The following ZZZ3 variants were observed in gnomAD, a reference collection of about 807,000 sequenced individuals.
The protein encoded by ZZZ3 is zinc finger ZZ-type containing 3.
Under a neutral mutation model 95.2 loss-of-function variants are expected in ZZZ3, and 22 were observed. That is an observed-to-expected ratio of 0.23 (90% confidence interval 0.17 to 0.33). The LOEUF is 0.33. ZZZ3 is among the 10% of genes least tolerant of loss of function. The pLI is 1.00. For synonymous variants in ZZZ3, 335 were observed against 358.9 expected (o/e 0.93, Z 0.75); for missense variants, 885 against 1,066.5 (o/e 0.83, Z 2.37).
At chr1:77,661,348 G>C (rs1462900551) in intron 1 of ZZZ3, among the ~76,000 whole-genome samples, 1 of 152,160 alleles carries the variant, frequency 6.6e-6, no homozygotes, top group Non-Finnish European at 1.5e-5. Flanking sequence ...AGGAGTCCGA[G>C]GCTGCAGTGA....
chr1:77,683,362 C>G (rs576296188), upstream of ZZZ3: 1 of 152,314 alleles, frequency 6.6e-6, no homozygotes, highest in African/African-American at 2.4e-5. Flanking sequence ...GCCACCGCTG[C>G]AGGAAGCTCG....
intron 5 of ZZZ3, among the ~76,000 whole-genome samples, chr1:77,604,742 C>T (rs916745240): frequency 2.0e-5 from 3 of 152,090 alleles, no homozygotes; most frequent in Admixed American, 1.3e-4. Flanking sequence ...ATTCTTTTTC[C>T]TTTTTTTCTC....
intron 1 of ZZZ3, among the ~76,000 whole-genome samples, chr1:77,681,995 TA>T (rs1672810115): frequency 6.6e-6 from 1 of 151,718 alleles, no homozygotes; most frequent in African/African-American, 2.4e-5. Flanking sequence ...GCAACCTCAG[TA>T]ACACAGTAGT....
chr1:77,679,594 C>T (rs555199713), intron 1 of ZZZ3, among the ~76,000 whole-genome samples: 1 of 152,248 alleles, frequency 6.6e-6, no homozygotes, highest in African/African-American at 2.4e-5. Context: ...CTTAAGGTAA[C>T]TTAAAGTTAC....
chr1:77,642,148 G>T (rs1668835129), intron 1 of ZZZ3, among the ~76,000 whole-genome samples: 2 of 151,994 alleles, frequency 1.3e-5, no homozygotes, highest in Admixed American at 1.3e-4. Context: ...GAAAATAAAT[G>T]TTATTTAAAA....
chr1:77,639,831 A>T (rs539232631), intron 3 of ZZZ3, among the ~76,000 whole-genome samples: 1 of 152,278 alleles, frequency 6.6e-6, no homozygotes, highest in African/African-American at 2.4e-5. Flanking sequence ...CCAAATCCTT[A>T]CAACTCAATA....
chr1:77,592,060 C>A (rs960065915), intron 5 of ZZZ3, among the ~76,000 whole-genome samples: 4 of 152,026 alleles, frequency 2.6e-5, no homozygotes, highest in Non-Finnish European at 5.9e-5. Flanking sequence ...CTCCAGCCCC[C>A]AAGGAGAGTT....
chr1:77,679,558 T>C (rs750355914), intron 1 of ZZZ3, among the ~76,000 whole-genome samples: 1 of 152,168 alleles, frequency 6.6e-6, no homozygotes, highest in Non-Finnish European at 1.5e-5. Flanking sequence ...AGTGCTTGTA[T>C]TACAGGCGTG....
In ZZZ3 at chr1:77,676,933, T is replaced by TA. The variant is rs553790496; in HGVS notation, c.-403+5651dup. ...ACCAATGCCAGATGAGGTAAAAACTTAAATTTATTTAAATCTAACTTAGAA... is the reference window on the plus strand; with the variant it reads ...ACCAATGCCAGATGAGGTAAAAACTTAAAATTTATTTAAATCTAACTTAGAA... On this transcript the variant is annotated intron_variant, in intron 1 of 14. Transcript: ENST00000370801. 110 of 152,336 alleles carry TA rather than the reference T, an allele frequency of 7.2e-4. 1 individual carries two copies. The highest frequency in any genetic ancestry group is 2.5e-3 in the African/African-American group (102 of 41,578). The allele number at this position is 152,336 out of a possible 1,614,324, so 9.4% of individuals were successfully genotyped here. A position where few individuals can be genotyped will look rare whatever the true frequency, so the allele number is the denominator to read the frequency against.
intron 5 of ZZZ3, among the ~76,000 whole-genome samples, chr1:77,610,021 G>A (rs1665631528): frequency 6.6e-6 from 1 of 150,786 alleles, no homozygotes; most frequent in African/African-American, 2.4e-5. Flanking sequence ...TAGATCAGAA[G>A]TAAATGAAAT....
chr1:77,667,763 CTTTTTTT>C (rs34939314), intron 1 of ZZZ3, among the ~76,000 whole-genome samples: 1 of 115,110 alleles, frequency 8.7e-6, no homozygotes, highest in African/African-American at 3.5e-5. Flanking sequence ...AATGGGTATT[CTTTTTTT>C]TTTTTTTTTT....
chr1:77,623,935 A>G (rs946095479), intron 5 of ZZZ3, among the ~76,000 whole-genome samples: 2 of 152,220 alleles, frequency 1.3e-5, no homozygotes, highest in African/African-American at 4.8e-5. Context: ...ACCAAAAAAA[A>G]AGAGAGAAGT....
intron 1 of ZZZ3, among the ~76,000 whole-genome samples, chr1:77,670,009 TA>T (rs1557780685): frequency 4.6e-5 from 7 of 151,212 alleles, no homozygotes; most frequent in Admixed American, 1.3e-4. Flanking sequence ...ATTGTGCACT[TA>T]AAAAGAATTA....
rs963333001 is a variant in ZZZ3 at position 77,565,494 on chromosome 1, G to T, written c.*146C>A. 29 of 778,716 alleles carry T rather than the reference G, an allele frequency of 3.7e-5. No homozygotes were observed. The highest frequency in any genetic ancestry group is 5.7e-5 in the Non-Finnish European group (28 of 489,632). The allele number at this position is 778,716 out of a possible 1,614,324, so 48.2% of individuals were successfully genotyped here. A position where few individuals can be genotyped will look rare whatever the true frequency, so the allele number is the denominator to read the frequency against. ...TCTAGAGCCACAACGGTGCAGAGCTGTACTTGACGAGAACACTCAGGAAGC... is the reference window on the plus strand; with the variant it reads ...TCTAGAGCCACAACGGTGCAGAGCTTTACTTGACGAGAACACTCAGGAAGC... On this transcript the variant is annotated 3_prime_UTR_variant, in exon 15 of 15. Transcript: ENST00000370801.
intron 5 of ZZZ3, among the ~76,000 whole-genome samples, chr1:77,605,485 G>A (rs982222193): frequency 6.6e-6 from 1 of 152,116 alleles, no homozygotes; most frequent in Non-Finnish European, 1.5e-5. Flanking sequence ...GGAGACATGG[G>A]GGGCATGTGA....
intron 5 of ZZZ3, among the ~76,000 whole-genome samples, chr1:77,618,956 T>C (rs575748342): frequency 6.6e-6 from 1 of 152,290 alleles, no homozygotes; most frequent in Non-Finnish European, 1.5e-5. Flanking sequence ...CTTTTCTAAA[T>C]ATATGCCACA....
chr1:77,568,350 C>A lies in ZZZ3; in HGVS notation c.2448G>T (p.Val816=). 6.3e-7 allele frequency: 1 copy of A among 1,590,014 alleles called. No homozygotes were observed. The highest frequency in any genetic ancestry group is 1.2e-5 in the South Asian group (1 of 85,576). Residue 816 remains valine (V), a synonymous_variant, in exon 13 of 15, where the codon GTG becomes GTT. Coordinates refer to ENST00000370801, the MANE Select transcript of ZZZ3 (RefSeq NM_015534.6). ...AACTTACCTTAAAGCCCACATGTTG[C>A]ACAAATCCACTTTCAGCTTGCATTT... The part of the protein sequence containing the change: ...LQQMQAESGF[V]QHVGFKCDNC...
chr1:77,571,291 A>C lies in ZZZ3; in HGVS notation c.2332-2825T>G, dbSNP rs987099634. On this transcript the variant is annotated intron_variant, in intron 12 of 14. Coordinates refer to ENST00000370801, the MANE Select transcript of ZZZ3 (RefSeq NM_015534.6). The stretch of plus-strand genomic sequence containing the variant: ...GTAGGTGGCTACTACTGAAAAAATA[A>C]ATAAATAAATAACCAGTGTTGGTAA... Among the ~76,000 whole-genome samples, 6 of 152,164 alleles carry C rather than the reference A, an allele frequency of 3.9e-5. No homozygotes were observed. The East Asian group carries it at 5.8e-4, about 15-fold the overall frequency.
intron 12 of ZZZ3, among the ~76,000 whole-genome samples, chr1:77,574,253 T>C (rs1661711575): frequency 6.6e-6 from 1 of 150,956 alleles, no homozygotes; most frequent in Non-Finnish European, 1.5e-5. Context: ...ATATTAATAG[T>C]AGTGTTGGTT....
Sources: allele counts gnomAD v4.1 joint callset (sites outside exome capture counted in the v4.1 genomes callset), GRCh38; gene constraint gnomAD v4.1.1; transcripts MANE v1.5; gene names NCBI Gene and HGNC (gene_info 2026-07-23, HGNC 2026-07-21).